Variants in ST18 observed in about 807,000 individuals in gnomAD.
ST18 encodes the protein suppression of tumorigenicity 18 protein.
A neutral mutation model predicts 110.0 loss-of-function variants in ST18; 50 were observed. The ratio of observed to expected loss-of-function variants is 0.45; its 90% CI spans 0.36 to 0.58. The LOEUF (loss-of-function observed/expected upper bound fraction) is 0.58, where lower values mean the gene tolerates loss of function less well. Ranked by LOEUF, ST18 falls within the 20% of genes least tolerant of loss-of-function variation. ST18 has a pLI of 0.00. For synonymous variants in ST18, 461 were observed against 452.4 expected (o/e 1.02, Z -0.24); for missense variants, 1,306 against 1,280.1 (o/e 1.02, Z -0.31).
chr8:52,175,340 A>G (rs2066507943), intron 9 of ST18, among the ~76,000 whole-genome samples: 1 of 151,910 alleles, frequency 6.6e-6, no homozygotes, highest in Admixed American at 6.6e-5. Context: ...ACTAACATTG[A>G]CCCCCAAGGA....
intron 2 of ST18, among the ~76,000 whole-genome samples, chr8:52,388,983 A>AAAG (rs950450362): frequency 8.6e-5 from 13 of 151,256 alleles, no homozygotes; most frequent in South Asian, 8.4e-4. Context: ...TAAAAAAAAA[A>AAAG]AAAAGAACAA....
intron 3 of ST18, among the ~76,000 whole-genome samples, chr8:52,222,381 TCA>T (rs2087144487): frequency 6.6e-6 from 1 of 152,184 alleles, no homozygotes; most frequent in Non-Finnish European, 1.5e-5. Context: ...TTCCTGACGC[TCA>T]CAGCTTCCAC....
chr8:52,178,275 CA>C (rs1037222580), intron 9 of ST18, among the ~76,000 whole-genome samples: 7 of 152,114 alleles, frequency 4.6e-5, no homozygotes, highest in Non-Finnish European at 8.8e-5. Flanking sequence ...AGTCTAACCA[CA>C]AATGATTCAA....
At chr8:52,337,363 C>A (rs1812637193) in intron 2 of ST18, among the ~76,000 whole-genome samples, 1 of 152,148 alleles carries the variant, frequency 6.6e-6, no homozygotes. Flanking sequence ...GTTTCATGTT[C>A]TTTGATTATT....
intron 15 of ST18, among the ~76,000 whole-genome samples, chr8:52,156,275 A>G (rs908154528): frequency 6.6e-6 from 1 of 152,228 alleles, no homozygotes; most frequent in African/African-American, 2.4e-5. Flanking sequence ...TTCAGCTATG[A>G]GTCCATCACC....
At chr8:52,394,209 T>C (rs1253189993) in intron 2 of ST18, among the ~76,000 whole-genome samples, 1 of 152,210 alleles carries the variant, frequency 6.6e-6, no homozygotes, top group Non-Finnish European at 1.5e-5. Context: ...GTGAACCCTA[T>C]AGCCATTCCC....
At chr8:52,219,507 G>A (rs2085797971) in intron 5 of ST18, among the ~76,000 whole-genome samples, 1 of 152,068 alleles carries the variant, frequency 6.6e-6, no homozygotes, top group African/African-American at 2.4e-5. Context: ...CTCTGTTCTT[G>A]TATGCCTCTT....
intron 2 of ST18, among the ~76,000 whole-genome samples, chr8:52,367,019 G>A (rs79516134): frequency 6.6e-6 from 1 of 152,162 alleles, no homozygotes; most frequent in Non-Finnish European, 1.5e-5. Context: ...GATCACTTGA[G>A]GCCAGGAGTT....
At chr8:52,162,880 T>C (rs557955780) in intron 13 of ST18, among the ~76,000 whole-genome samples, 1 of 151,940 alleles carries the variant, frequency 6.6e-6, no homozygotes, top group African/African-American at 2.4e-5. Context: ...TTCCAATGAG[T>C]TTTTTTTGGA....
At position 52,149,854 on chromosome 8, in the gene ST18, G is replaced by C; in HGVS notation, c.1930C>G (p.Pro644Ala). ...ACCAGAATGCTGCTTGTTTTGAATGGGGAAGAGGAAGGAGTTGGAATAGAA... is the reference window on the plus strand; with the variant it reads ...ACCAGAATGCTGCTTGTTTTGAATGCGGAAGAGGAAGGAGTTGGAATAGAA... ...NTSIPTPSSS[P>A]FKTSSILVNA... The change falls in exon 16 of 26, where the codon CCA becomes GCA. Residue 644 changes from proline (P) to alanine (A), a missense_variant. Coordinates refer to ENST00000689386, the MANE Select transcript of ST18 (RefSeq NM_001352837.2). 1.2e-6 allele frequency: 2 copies of C among 1,614,184 alleles called. No individual in the cohort carries two copies. The highest frequency in any genetic ancestry group is 1.7e-6 in the Non-Finnish European group (2 of 1,180,022).
chr8:52,130,164 A>AG (rs1491410526), intron 22 of ST18, among the ~76,000 whole-genome samples: 4 of 122,836 alleles, frequency 3.3e-5, no homozygotes, highest in African/African-American at 9.4e-5. Flanking sequence ...AGAAAGAAAG[A>AG]AAAAGAAAAG....
intron 2 of ST18, among the ~76,000 whole-genome samples, chr8:52,304,704 C>T (rs1408466451): frequency 6.6e-6 from 1 of 152,094 alleles, no homozygotes; most frequent in African/African-American, 2.4e-5. Context: ...GTAGTTTAGA[C>T]AACAGAAATT....
chr8:52,122,937 G>A (rs1440008884), intron 23 of ST18, among the ~76,000 whole-genome samples: 5 of 151,820 alleles, frequency 3.3e-5, no homozygotes, highest in African/African-American at 1.2e-4. Flanking sequence ...ACTATATTTA[G>A]GACACACTAT....
intron 2 of ST18, among the ~76,000 whole-genome samples, chr8:52,284,874 AT>A (rs112532350): frequency 0.038 from 5,853 of 152,082 alleles, 396 homozygotes; most frequent in African/African-American, 0.13. Context: ...CATCTCAAAT[AT>A]TTTTTGGGAA....
chr8:52,278,668 G>T (rs1397745277), intron 2 of ST18, among the ~76,000 whole-genome samples: 1 of 152,098 alleles, frequency 6.6e-6, no homozygotes, highest in Non-Finnish European at 1.5e-5. Context: ...AAACACACTT[G>T]CCCTACCAAG....
chr8:52,132,984 C>T (rs1409462116), intron 21 of ST18, 73 bp downstream of exon 21: 3 of 1,518,388 alleles, frequency 2.0e-6, no homozygotes, highest in Non-Finnish European at 2.7e-6. Context: ...TGTTCAATTG[C>T]ATCCCAACCA....
intron 2 of ST18, among the ~76,000 whole-genome samples, chr8:52,385,070 C>G (rs1278806948): frequency 6.6e-6 from 1 of 152,130 alleles, no homozygotes; most frequent in African/African-American, 2.4e-5. Flanking sequence ...AACCCTCTGC[C>G]CATCTTAAGA....
At position 52,161,503 on chromosome 8, in the gene ST18, G is replaced by A. The variant is rs141474462; in HGVS notation, c.1466C>T (p.Thr489Ile). The A allele has an allele frequency of 6.2e-7, 1 of 1,614,196 alleles. No homozygotes were observed. The highest frequency in any genetic ancestry group is 1.7e-5 in the Admixed American group (1 of 60,028). The change falls in exon 14 of 26, where the codon ACA becomes ATA. Residue 489 changes from threonine (T) to isoleucine (I), a missense_variant. Thr to Ile is a moderately conservative substitution (Grantham distance 89, BLOSUM62 -1). Transcript: ENST00000689386. ...AAACTTCTCTTGTTCTTTTGACACT[G>A]TGGCTCTGGGAGAGGTGATGGCTTG... ...PSQAITSPRA[T>I]VSKEQEKFGK...
At chr8:52,175,006 C>G (rs888771112) in intron 9 of ST18, among the ~76,000 whole-genome samples, 1 of 152,094 alleles carries the variant, frequency 6.6e-6, no homozygotes, top group Non-Finnish European at 1.5e-5. Context: ...TTATTTTGTG[C>G]CTCTGCCACT....
Sources: gnomAD v4.1 joint callset for allele counts (sites outside exome capture counted in the v4.1 genomes callset) on GRCh38, gnomAD v4.1.1 for gene constraint, MANE v1.5 for transcripts, NCBI Gene and HGNC (gene_info 2026-07-23, HGNC 2026-07-21) for gene names.